SIN3A: variants seen among roughly 807,000 people sequenced by gnomAD.
SIN3A encodes SIN3 transcription regulator family member A, also known as paired amphipathic helix protein Sin3a.
A neutral mutation model predicts 146.1 loss-of-function variants in SIN3A; 14 were observed. The ratio of observed to expected loss-of-function variants is 0.10; its 90% CI spans 0.06 to 0.15. The LOEUF (loss-of-function observed/expected upper bound fraction) is 0.15. SIN3A is among the 10% of genes least tolerant of loss of function. SIN3A has a pLI of 1.00. For missense variants in SIN3A, 1,028 were observed against 1,576.0 expected, an observed-to-expected ratio of 0.65 and a Z score of 5.89; for synonymous variants, 572 against 572.0, an observed-to-expected ratio of 1.00 and a Z score of 0.00.
In SIN3A at chr15:75,384,368, C is replaced by T. The variant is rs1289512964; in HGVS notation, c.3091G>A (p.Gly1031Arg). 6.2e-7 allele frequency: 1 copy of T among 1,613,668 alleles called. No individual in the cohort carries two copies. The highest frequency in any genetic ancestry group is 2.2e-5 in the East Asian group (1 of 44,868). Residue 1031 changes from glycine (G) to arginine (R), a missense_variant, in exon 17 of 21, where the codon GGG becomes AGG. Coordinates refer to ENST00000394947, the MANE Select transcript of SIN3A (RefSeq NM_001145358.2). Reference sequence around the variant, plus strand: ...GTGTTCAGCTGGCCTCCGGTGGCCCCATTATTATTTTCTGCCAGGTAAAGG... The same window carrying T: ...GTGTTCAGCTGGCCTCCGGTGGCCCTATTATTATTTTCTGCCAGGTAAAGG... The part of the protein sequence containing the change: ...TDLYLAENNN[G>R]ATGGQLNTQN...
At chr15:75,450,957 G>A (rs1393890271) in intron 1 of SIN3A, among the ~76,000 whole-genome samples, 5 of 152,088 alleles carry the variant, frequency 3.3e-5, no homozygotes, top group African/African-American at 4.8e-5. Flanking sequence ...CAAGAAGGCG[G>A]AGGAACTCAG....
chr15:75,398,214 C>A (rs1370404400), intron 12 of SIN3A, among the ~76,000 whole-genome samples: 1 of 152,172 alleles, frequency 6.6e-6, no homozygotes, highest in Non-Finnish European at 1.5e-5. Flanking sequence ...CATTTTACAT[C>A]TTTAGACAAA....
At chr15:75,419,144 T>C (rs750287432) in intron 3 of SIN3A, 3 of 152,218 alleles carry the variant, frequency 2.0e-5, no homozygotes, top group Non-Finnish European at 2.9e-5. Context: ...AATCAGATTG[T>C]ATAGTTGGTC....
At chr15:75,407,664 G>A (rs1268113822) in intron 8 of SIN3A, among the ~76,000 whole-genome samples, 1 of 151,910 alleles carries the variant, frequency 6.6e-6, no homozygotes, top group African/African-American at 2.4e-5. Flanking sequence ...AGGCCAAGGT[G>A]GGCAGATCAT....
intron 19 of SIN3A, among the ~76,000 whole-genome samples, chr15:75,379,139 T>C (rs2072918979): frequency 6.6e-6 from 1 of 152,154 alleles, no homozygotes; most frequent in Non-Finnish European, 1.5e-5. Context: ...GATCTCGTGA[T>C]CCACAGCCTC....
chr15:75,454,852 G>C (rs970825654), upstream of SIN3A: 2 of 152,622 alleles, frequency 1.3e-5, no homozygotes, highest in Non-Finnish European at 2.9e-5. Flanking sequence ...GGGATCAGCC[G>C]GGGCCGCGGA....
intron 3 of SIN3A, among the ~76,000 whole-genome samples, 180 bp from the exon 4 acceptor site, chr15:75,414,491 TAATC>T (rs1261865546): frequency 6.6e-6 from 1 of 152,132 alleles, no homozygotes; most frequent in Non-Finnish European, 1.5e-5. Flanking sequence ...CTTAAAATAA[TAATC>T]AACTCATAAA....
At chr15:75,439,665 A>C (rs532267309) in intron 1 of SIN3A, among the ~76,000 whole-genome samples, 1 of 151,970 alleles carries the variant, frequency 6.6e-6, no homozygotes, top group Non-Finnish European at 1.5e-5. Flanking sequence ...CTTTTACGGC[A>C]TATGATACAC....
chr15:75,380,248 C>T (rs1373249508), intron 19 of SIN3A, among the ~76,000 whole-genome samples: 1 of 152,208 alleles, frequency 6.6e-6, no homozygotes, highest in Admixed American at 6.5e-5. Flanking sequence ...AAGCTTGAGC[C>T]TGGCTTCCTC....
chr15:75,429,960 G>A, intron 2 of SIN3A: 1 of 461,044 alleles, frequency 2.2e-6, no homozygotes, highest in Non-Finnish European at 3.8e-6. Context: ...TACCTCTGAA[G>A]GGAGGGAAAA....
In SIN3A at chr15:75,411,652, T is replaced by C. The variant is rs762309462; in HGVS notation, c.848A>G (p.His283Arg). 1 of 1,614,124 alleles carries C rather than the reference T, an allele frequency of 6.2e-7. No homozygotes were observed. Among genetic ancestry groups the C allele is most frequent in the East Asian group, 2.2e-5 (1 of 44,876 alleles). The change falls in exon 6 of 21, where the codon CAC becomes CGC. Residue 283 changes from histidine to arginine, a missense_variant. Transcript: ENST00000394947. ...ASPRSPPVQP[H>R]TPVTISLGTA... Reference sequence around the variant, plus strand: ...TCCCAACGAGATTGTCACTGGTGTGTGAGGCTGGACCGGCGGAGAACGTGG... The same window carrying C: ...TCCCAACGAGATTGTCACTGGTGTGCGAGGCTGGACCGGCGGAGAACGTGG...
rs555599316 is a variant in SIN3A, at chr15:75,423,335, TTAAA to T, written c.190-516_190-513del. On this transcript the variant is annotated intron_variant, in intron 2 of 20. Transcript: ENST00000394947. ...CCAAATTTTCCACAAAAGGAACTGG[TTAAA>T]TAAATTACAGCCCACCAAAGTTATA... 4.5e-4 allele frequency among the ~76,000 whole-genome samples: 69 copies of T among 152,174 alleles called. 3 individuals are homozygous for T. The South Asian group carries it at 0.014, about 30-fold the overall frequency.
At chr15:75,446,918 C>T (rs908351687) in intron 1 of SIN3A, among the ~76,000 whole-genome samples, 27 of 152,148 alleles carry the variant, frequency 1.8e-4, no homozygotes, top group African/African-American at 6.5e-4. Flanking sequence ...ACTACAGGTG[C>T]GTGTGCCACC....
chr15:75,434,812 G>C (rs2074077013), intron 1 of SIN3A, among the ~76,000 whole-genome samples: 1 of 151,450 alleles, frequency 6.6e-6, no homozygotes, highest in Non-Finnish European at 1.5e-5. Context: ...GCCGGGCATG[G>C]TGGTGCATGC....
chr15:75,423,015 C>T (rs1224251790), intron 2 of SIN3A, among the ~76,000 whole-genome samples, 192 bp from the exon 3 acceptor site: 1 of 152,176 alleles, frequency 6.6e-6, no homozygotes, highest in Non-Finnish European at 1.5e-5. Flanking sequence ...CTGCAGTGAG[C>T]TATGATCATG....
In SIN3A at chr15:75,371,210, T is replaced by TTG. The variant is rs143718821; in HGVS notation, c.*767_*768dup. On this transcript the variant is annotated 3_prime_UTR_variant, in exon 21 of 21. Coordinates refer to ENST00000394947, the MANE Select transcript of SIN3A (RefSeq NM_001145358.2). ...TTATGTACAAAAAAACAAGTTAAAATTGTGTGTGTGTGTGCGTGTGTGTGT... is the reference window on the plus strand; with the variant it reads ...TTATGTACAAAAAAACAAGTTAAAATTGTGTGTGTGTGTGTGCGTGTGTGTGT... 8.5e-5 allele frequency: 13 copies of TTG among 152,228 alleles called. No individual in the cohort carries two copies. The highest frequency in any genetic ancestry group is 1.3e-4 in the Non-Finnish European group (9 of 67,904). The allele number at this position is 152,228 out of a possible 1,614,324, so 9.4% of individuals were successfully genotyped here.
chr15:75,399,712 A>C (rs2073375655), intron 12 of SIN3A, among the ~76,000 whole-genome samples: 1 of 152,200 alleles, frequency 6.6e-6, no homozygotes, highest in Admixed American at 6.5e-5. Flanking sequence ...AGTACTATAA[A>C]CCTTAGGATA....
At chr15:75,432,903 A>G (rs2074037331) in intron 1 of SIN3A, among the ~76,000 whole-genome samples, 1 of 151,900 alleles carries the variant, frequency 6.6e-6, no homozygotes, top group African/African-American at 2.4e-5. Flanking sequence ...TTAGCTGGGC[A>G]TGATGGCACG....
rs992634710 is a variant in SIN3A at position 75,370,150 on chromosome 15, A to C, written c.*1829T>G. The C allele has an allele frequency of 6.6e-6, 1 of 152,556 alleles. No homozygotes were observed. Among genetic ancestry groups the C allele is most frequent in the African/African-American group, 2.4e-5 (1 of 41,440 alleles). 9.5% of individuals were successfully genotyped at this position (152,556 alleles called of 1,614,324 possible). On this transcript the variant is annotated 3_prime_UTR_variant, in exon 21 of 21. Transcript: ENST00000394947. ...CTACTCAGGAGGCCGAGGTGGGAGG[A>C]CTGCTTGAGCCTGGGAGGTCAAGCC... is the stretch of plus-strand genomic sequence containing the variant.
Sources: gnomAD v4.1 joint callset for allele counts (sites outside exome capture counted in the v4.1 genomes callset) on GRCh38, gnomAD v4.1.1 for gene constraint, MANE v1.5 for transcripts, NCBI Gene and HGNC (gene_info 2026-07-23, HGNC 2026-07-21) for gene names.